Variants in JMY observed in about 807,000 individuals in gnomAD.
JMY encodes the protein junction-mediating and -regulatory protein.
In JMY, 46 loss-of-function variants were observed where a neutral mutation model predicts 103.3. The observed-to-expected ratio is 0.45, with a 90% confidence interval of 0.35 to 0.57. The LOEUF is 0.57. Ranked by LOEUF, JMY falls within the 20% of genes least tolerant of loss-of-function variation. The probability of loss-of-function intolerance (pLI) is 0.00; values close to 1 mark genes in which losing one functional copy is unlikely to be tolerated. For synonymous variants in JMY, 526 were observed against 489.3 expected (o/e 1.07, Z -0.99); for missense variants, 1,238 against 1,255.2 (o/e 0.99, Z 0.21).
intron 10 of JMY, 92 bp downstream of exon 10, chr5:79,316,402 A>G: frequency 4.1e-6 from 4 of 974,550 alleles, no homozygotes; most frequent in Non-Finnish European, 6.0e-6. Flanking sequence ...AGCCTGAGGC[A>G]TATCGTTTGT....
intron 1 of JMY, among the ~76,000 whole-genome samples, chr5:79,262,352 G>A (rs1745450904): frequency 6.6e-6 from 1 of 151,896 alleles, no homozygotes; most frequent in South Asian, 2.1e-4. Flanking sequence ...TACACATTTT[G>A]CAGTTTATAA....
chr5:79,326,970 A>T lies in JMY; in HGVS notation c.*5368A>T, dbSNP rs1377293102. 1.3e-5 allele frequency: 2 copies of T among 152,248 alleles called. No individual in the cohort carries two copies. The highest frequency in any genetic ancestry group is 2.9e-5 in the Non-Finnish European group (2 of 68,038). The allele number at this position is 152,248 out of a possible 1,614,324, so 9.4% of individuals were successfully genotyped here. A position where few individuals can be genotyped will look rare whatever the true frequency, so the allele number is the denominator to read the frequency against. ...CTAAGCAAGCATTTATAGCAATACCATGAAATCTCCAGTAATCGTTTTGAC... is the reference window on the plus strand; with the variant it reads ...CTAAGCAAGCATTTATAGCAATACCTTGAAATCTCCAGTAATCGTTTTGAC... On this transcript the variant is annotated 3_prime_UTR_variant, in exon 11 of 11. Coordinates refer to ENST00000396137, the MANE Select transcript of JMY (RefSeq NM_152405.5).
intron 1 of JMY, among the ~76,000 whole-genome samples, chr5:79,271,329 G>A (rs1380988423): frequency 6.6e-6 from 1 of 152,020 alleles, no homozygotes; most frequent in Non-Finnish European, 1.5e-5. Flanking sequence ...ATCATGCTCA[G>A]CCTGTAGTTT....
intron 2 of JMY, chr5:79,284,972 G>T: frequency 8.5e-7 from 1 of 1,181,488 alleles, no homozygotes; most frequent in Admixed American, 2.0e-5. Flanking sequence ...GTAAAATGAA[G>T]TTGAAACTAG....
intron 4 of JMY, among the ~76,000 whole-genome samples, chr5:79,293,022 A>G (rs932569914): frequency 6.6e-6 from 1 of 152,154 alleles, no homozygotes. Context: ...CTCATGAGAA[A>G]GAGAGTAAAT....
intron 1 of JMY, among the ~76,000 whole-genome samples, chr5:79,272,790 T>C (rs540636931): frequency 6.6e-6 from 1 of 152,260 alleles, no homozygotes; most frequent in Non-Finnish European, 1.5e-5. Context: ...TGTGCTGCCA[T>C]GCTTGGCTAA....
At chr5:79,249,402 T>C (rs1371668513) in intron 1 of JMY, among the ~76,000 whole-genome samples, 1 of 152,186 alleles carries the variant, frequency 6.6e-6, no homozygotes, top group Non-Finnish European at 1.5e-5. Flanking sequence ...CAAAAGGAAA[T>C]GATATGCCAG....
intron 1 of JMY, among the ~76,000 whole-genome samples, chr5:79,252,333 TCA>T (rs1032313426): frequency 6.7e-6 from 1 of 149,794 alleles, no homozygotes; most frequent in African/African-American, 2.5e-5. Context: ...TGCTTGATAG[TCA>T]GGTTTTTTTT....
chr5:79,237,847 C>G (rs1281785654), intron 1 of JMY, among the ~76,000 whole-genome samples, 165 bp downstream of exon 1: 1 of 152,026 alleles, frequency 6.6e-6, no homozygotes. Flanking sequence ...TCATCCCTCT[C>G]GGTGGCTGCT....
At chr5:79,300,980 CA>C (rs1203099575) in intron 6 of JMY, 117 bp downstream of exon 6, 7 of 796,450 alleles carry the variant, frequency 8.8e-6, no homozygotes, top group Non-Finnish European at 1.4e-5. Context: ...TATCTCTTAT[CA>C]GTGCTCAATG....
chr5:79,244,891 G>A (rs948778475), intron 1 of JMY, among the ~76,000 whole-genome samples: 3 of 150,184 alleles, frequency 2.0e-5, no homozygotes, highest in Non-Finnish European at 3.0e-5. Context: ...GCTTCTTTTA[G>A]GGGACTTGAT....
chr5:79,316,051 A>G lies in JMY; in HGVS notation c.2711A>G (p.His904Arg), dbSNP rs762947328. Residue 904 changes from histidine to arginine, a missense_variant, in exon 10 of 11, where the codon CAT becomes CGT. Physicochemically the swap from His to Arg is conservative, Grantham distance 29 (BLOSUM62 0). Coordinates refer to ENST00000396137, the MANE Select transcript of JMY (RefSeq NM_152405.5). ...VLASLKRGSF[H>R]LKKVEQRTLP... Reference sequence around the variant, plus strand: ...GCCTCCTTGAAGCGTGGTAGTTTTCATCTGAAAAAGGTTGAACAGCGAACT... The same window carrying G: ...GCCTCCTTGAAGCGTGGTAGTTTTCGTCTGAAAAAGGTTGAACAGCGAACT... 1.9e-6 allele frequency: 3 copies of G among 1,614,088 alleles called. No homozygotes were observed. The Admixed American group carries it at 5.0e-5, about 27-fold the overall frequency.
At chr5:79,294,525 C>T (rs1244984171) in intron 4 of JMY, among the ~76,000 whole-genome samples, 1 of 152,076 alleles carries the variant, frequency 6.6e-6, no homozygotes, top group Non-Finnish European at 1.5e-5. Flanking sequence ...AACCAGAAAA[C>T]CCTTTAGATT....
Position 79,263,976 on chromosome 5 carries a change from G to A in JMY, c.1033-13934G>A, listed in dbSNP as rs547175463. 2.6e-5 allele frequency among the ~76,000 whole-genome samples: 4 copies of A among 151,628 alleles called. 1 individual carries two copies. The South Asian group carries it at 6.3e-4, about 24-fold the overall frequency. On this transcript the variant is annotated intron_variant, in intron 1 of 10. Transcript: ENST00000396137. ...CCACACCCAGCTAATTAGTAGAGAC[G>A]GGGTTTCACCATGTTGGCCAGGCTG...
At chr5:79,285,768 T>TC (rs1392471955) in intron 2 of JMY, among the ~76,000 whole-genome samples, 7 of 152,276 alleles carry the variant, frequency 4.6e-5, no homozygotes, top group Admixed American at 1.3e-4. Context: ...CACAGTTTTT[T>TC]CCCCCTCATC....
chr5:79,240,499 G>C (rs571751323), intron 1 of JMY, among the ~76,000 whole-genome samples: 16 of 152,120 alleles, frequency 1.1e-4, no homozygotes, highest in Admixed American at 9.8e-4. Context: ...TGTAGTGACA[G>C]GGTTTCCCAG....
intron 1 of JMY, among the ~76,000 whole-genome samples, chr5:79,262,878 T>C (rs1398789179): frequency 6.6e-6 from 1 of 152,244 alleles, no homozygotes; most frequent in Non-Finnish European, 1.5e-5. Flanking sequence ...TCAGTTATTG[T>C]ACATATTTGT....
intron 4 of JMY, among the ~76,000 whole-genome samples, chr5:79,294,583 G>T (rs933148151): frequency 1.3e-5 from 2 of 151,818 alleles, no homozygotes; most frequent in Non-Finnish European, 1.5e-5. Flanking sequence ...AGGGCCAGGC[G>T]CAGTGGCTTA....
At chr5:79,283,395 A>C (rs1407833313) in intron 2 of JMY, among the ~76,000 whole-genome samples, 1 of 152,216 alleles carries the variant, frequency 6.6e-6, no homozygotes, top group Non-Finnish European at 1.5e-5. Flanking sequence ...CAATGGTTTC[A>C]TTAACCTAGG....
Sources: allele counts gnomAD v4.1 joint callset (sites outside exome capture counted in the v4.1 genomes callset), GRCh38; gene constraint gnomAD v4.1.1; transcripts MANE v1.5; gene names NCBI Gene and HGNC (gene_info 2026-07-23, HGNC 2026-07-21).